Variants in CELF4 observed in about 807,000 individuals in gnomAD.
CELF4 encodes the protein CUG-BP- and ETR-3-like factor 4.
CELF4 carries 18 observed loss-of-function variants against 59.9 expected under a neutral mutation model. That is an observed-to-expected ratio of 0.30 (90% CI 0.21 to 0.45). The LOEUF (loss-of-function observed/expected upper bound fraction) is 0.45. CELF4 is among the 20% of genes least tolerant of loss of function. CELF4 has a pLI of 1.00. For synonymous variants in CELF4, 261 were observed against 267.1 expected, an observed-to-expected ratio of 0.98 and a Z score of 0.22; for missense variants, 456 against 689.0, an observed-to-expected ratio of 0.66 and a Z score of 3.79.
chr18:37,436,071 G>A (rs1455741208), intron 2 of CELF4, among the ~76,000 whole-genome samples: 1 of 152,174 alleles, frequency 6.6e-6, no homozygotes, highest in Non-Finnish European at 1.5e-5. Context: ...TGTTGCTGTA[G>A]CTGCTGGGCT....
intron 3 of CELF4, among the ~76,000 whole-genome samples, chr18:37,289,591 C>T (rs1435577652): frequency 6.6e-6 from 1 of 151,934 alleles, no homozygotes; most frequent in African/African-American, 2.4e-5. Context: ...CTATCAGGGA[C>T]ACTGTCAGCT....
chr18:37,347,270 C>T (rs534247862), intron 2 of CELF4, among the ~76,000 whole-genome samples: 2 of 152,186 alleles, frequency 1.3e-5, no homozygotes, highest in East Asian at 3.9e-4. Context: ...CCTGCCACCC[C>T]CCACGCCACG....
intron 2 of CELF4, among the ~76,000 whole-genome samples, chr18:37,344,439 T>C (rs545702140): frequency 6.6e-6 from 1 of 152,328 alleles, no homozygotes; most frequent in South Asian, 2.1e-4. Context: ...TAACAGTGAG[T>C]ACAGTGGCTC....
chr18:37,361,301 C>T (rs1359497694), intron 2 of CELF4, among the ~76,000 whole-genome samples: 1 of 152,144 alleles, frequency 6.6e-6, no homozygotes, highest in Non-Finnish European at 1.5e-5. Context: ...GGATTAAAGT[C>T]GCTAAATGGG....
Position 37,254,995 on chromosome 18 carries a change from C to G in CELF4, c.1334-1057G>C, listed in dbSNP as rs936769192. 1.3e-5 allele frequency among the ~76,000 whole-genome samples: 2 copies of G among 152,174 alleles called. No individual in the cohort carries two copies. The highest frequency in any genetic ancestry group is 4.8e-5 in the African/African-American group (2 of 41,452). ...GTGCAGCATATCAACAAATAACGTC[C>G]CCTCCCTCACCGAGTTGTAGTAAAT... On this transcript the variant is annotated intron_variant, in intron 11 of 12. Transcript: ENST00000420428. This position sits in a 1 kb window ranked among gnomAD's most constrained non-coding sequence, Gnocchi z 5.1.
At chr18:37,301,087 G>C (rs2096000080) in intron 3 of CELF4, among the ~76,000 whole-genome samples, 1 of 152,332 alleles carries the variant, frequency 6.6e-6, no homozygotes, top group Admixed American at 6.5e-5. Flanking sequence ...CAGGCAGATA[G>C]AAAGGAAGGG....
chr18:37,475,689 A>G (rs779104365), intron 2 of CELF4, among the ~76,000 whole-genome samples: 2 of 152,198 alleles, frequency 1.3e-5, no homozygotes, highest in Non-Finnish European at 2.9e-5. Context: ...ACTGATCTGC[A>G]TGGAGTTGAT....
At chr18:37,293,265 T>G (rs549895098) in intron 3 of CELF4, among the ~76,000 whole-genome samples, 1 of 152,358 alleles carries the variant, frequency 6.6e-6, no homozygotes, top group African/African-American at 2.4e-5. Flanking sequence ...AAATCAAGGT[T>G]TGGACAGGGC....
intron 1 of CELF4, among the ~76,000 whole-genome samples, chr18:37,548,264 GA>G (rs1445939072): frequency 6.6e-6 from 1 of 152,210 alleles, no homozygotes; most frequent in African/African-American, 2.4e-5. Context: ...GGAGATGTAA[GA>G]GATGATCTTT....
intron 2 of CELF4, among the ~76,000 whole-genome samples, chr18:37,457,389 C>A (rs1207411819): frequency 3.3e-5 from 5 of 152,136 alleles, no homozygotes; most frequent in East Asian, 1.9e-4. Flanking sequence ...TTTCTGGGAC[C>A]CTTACACCCC....
chr18:37,420,191 C>T (rs2099569226), intron 2 of CELF4, among the ~76,000 whole-genome samples: 1 of 152,178 alleles, frequency 6.6e-6, no homozygotes, highest in South Asian at 2.1e-4. Flanking sequence ...TGTCTGATAG[C>T]AGGCAGCAGC....
intron 3 of CELF4, among the ~76,000 whole-genome samples, chr18:37,281,978 G>A (rs189496032): frequency 2.5e-3 from 388 of 152,276 alleles, no homozygotes; most frequent in Admixed American, 5.0e-3. Context: ...CCAGGCCAAT[G>A]GTGTCCTCCA....
intron 2 of CELF4, among the ~76,000 whole-genome samples, chr18:37,375,140 T>C (rs1213219081): frequency 6.6e-6 from 1 of 152,120 alleles, no homozygotes; most frequent in Non-Finnish European, 1.5e-5. Flanking sequence ...TGAGAGCCCG[T>C]GGGTGCATGT....
intron 1 of CELF4, among the ~76,000 whole-genome samples, chr18:37,492,836 A>G (rs187710524): frequency 6.6e-6 from 1 of 152,100 alleles, no homozygotes; most frequent in East Asian, 1.9e-4. Flanking sequence ...TTCTTACCTC[A>G]ACCATGAACA....
Position 37,374,009 on chromosome 18 carries a change from C to T in CELF4, c.370-52128G>A, listed in dbSNP as rs113941242. 6.1e-4 allele frequency among the ~76,000 whole-genome samples: 93 copies of T among 152,264 alleles called. 1 individual carries two copies. The highest frequency in any genetic ancestry group is 2.7e-3 in the Admixed American group (41 of 15,298). ...ATCAGCTCTCACCAAATGAAAAATC[C>T]GAAGGATAATGTAGGAGGTGAGAGA... On this transcript the variant is annotated intron_variant, in intron 2 of 12. Transcript: ENST00000420428.
At chr18:37,535,160 GA>G (rs755759429) in intron 1 of CELF4, among the ~76,000 whole-genome samples, 4 of 152,312 alleles carry the variant, frequency 2.6e-5, no homozygotes, top group Non-Finnish European at 5.9e-5. Flanking sequence ...CACCATGCTG[GA>G]AATCCTCCCT....
intron 1 of CELF4, among the ~76,000 whole-genome samples, chr18:37,519,583 C>T (rs1057375025): frequency 2.6e-5 from 4 of 152,156 alleles, no homozygotes; most frequent in South Asian, 2.1e-4. Context: ...TTCAGGTGTT[C>T]GTCAGTCTGC....
chr18:37,282,376 C>A (rs1039376814), intron 3 of CELF4, among the ~76,000 whole-genome samples: 1 of 152,136 alleles, frequency 6.6e-6, no homozygotes, highest in African/African-American at 2.4e-5. Context: ...AGACATTTCC[C>A]CTAAAGGTAC....
intron 2 of CELF4, among the ~76,000 whole-genome samples, chr18:37,455,026 AGTCT>A (rs2099774344): frequency 6.6e-6 from 1 of 152,200 alleles, no homozygotes; most frequent in African/African-American, 2.4e-5. Flanking sequence ...AGGGATGCCC[AGTCT>A]GTGCATTGCT....
Sources: gnomAD v4.1 joint callset for allele counts (sites outside exome capture counted in the v4.1 genomes callset) on GRCh38, gnomAD v4.1.1 for gene constraint, Gnocchi (gnomAD v3.1) non-coding constraint, MANE v1.5 for transcripts, NCBI Gene and HGNC (gene_info 2026-07-23, HGNC 2026-07-21) for gene names.